AFF3: variants seen among roughly 807,000 people sequenced by gnomAD.
AFF3 encodes ALF transcription elongation factor 3.
Under a neutral mutation model 129.7 loss-of-function variants are expected in AFF3, and 32 were observed. The ratio of observed to expected loss-of-function variants is 0.25; its 90% CI spans 0.19 to 0.33. The LOEUF (loss-of-function observed/expected upper bound fraction) is 0.33, where lower values mean the gene tolerates loss of function less well. Ranked by LOEUF, AFF3 falls within the 10% of genes least tolerant of loss-of-function variation. The pLI, the probability that AFF3 is intolerant of heterozygous loss-of-function variation, is 1.00. For missense variants in AFF3, 1,373 were observed against 1,592.0 expected (o/e 0.86, Z 2.34); for synonymous variants, 644 against 635.4 (o/e 1.01, Z -0.20).
chr2:100,033,981 A>G (rs1468631548), intron 4 of AFF3, among the ~76,000 whole-genome samples: 1 of 152,208 alleles, frequency 6.6e-6, no homozygotes, highest in African/African-American at 2.4e-5. Flanking sequence ...CATATTATAT[A>G]GGGCACAGAA....
chr2:99,852,457 T>C (rs972333831), intron 7 of AFF3, among the ~76,000 whole-genome samples: 33 of 152,128 alleles, frequency 2.2e-4, no homozygotes, highest in Admixed American at 1.2e-3. Context: ...AAAGACTAGA[T>C]AGAGAAATGA....
At chr2:100,043,253 T>C (rs1685580317) in intron 4 of AFF3, among the ~76,000 whole-genome samples, 1 of 152,120 alleles carries the variant, frequency 6.6e-6, no homozygotes, top group South Asian at 2.1e-4. Flanking sequence ...AGATGCTTCC[T>C]TCAAAAGCAT....
intron 11 of AFF3, among the ~76,000 whole-genome samples, chr2:99,692,672 C>T (rs774838839): frequency 3.3e-5 from 5 of 152,174 alleles, no homozygotes; most frequent in Non-Finnish European, 7.3e-5. Flanking sequence ...CCAGACATTC[C>T]TGCCTTCCCC....
intron 8 of AFF3, among the ~76,000 whole-genome samples, chr2:99,768,827 C>T (rs1683231418): frequency 6.6e-6 from 1 of 152,220 alleles, no homozygotes; most frequent in Non-Finnish European, 1.5e-5. Context: ...CCACTCTCTC[C>T]TGGCCTGCAA....
In AFF3 at chr2:99,593,780, G is replaced by C. The variant is rs1415448080; in HGVS notation, c.1881C>G (p.Thr627=). 6.2e-7 allele frequency: 1 copy of C among 1,612,192 alleles called. No individual in the cohort carries two copies. The highest frequency in any genetic ancestry group is 8.5e-7 in the Non-Finnish European group (1 of 1,179,904). ...TCGCTCTGTTGTTGCCACAGGGCCT[G>C]GTTTTGGTGGGCTCCGGGGGGACCA... ...SVVVPPEPTK[T]RPCGNNRASH... The change falls in exon 15 of 25, where the codon ACC becomes ACG. Residue 627 remains threonine (T), a synonymous_variant. Transcript: ENST00000672756.
chr2:99,763,066 G>A (rs1366094121), intron 8 of AFF3, among the ~76,000 whole-genome samples: 14 of 152,212 alleles, frequency 9.2e-5, no homozygotes, highest in African/African-American at 2.7e-4. Context: ...ACACCCCTAC[G>A]GGCCTGTACC....
At position 99,864,848 on chromosome 2, in the gene AFF3, T is replaced by C. The variant is rs996503103; in HGVS notation, c.874-27324A>G. Among the ~76,000 whole-genome samples, 22 of 152,294 alleles carry C rather than the reference T, an allele frequency of 1.4e-4. 1 individual carries two copies. Among genetic ancestry groups the C allele is most frequent in the East Asian group, 5.8e-4 (3 of 5,186 alleles). ...GGTAATATGTTCTTTGGGAGTGTGA[T>C]AGGCAGAGTTCAGCATCATGAAGAC... is the stretch of plus-strand genomic sequence containing the variant. On this transcript the variant is annotated intron_variant, in intron 7 of 24. Coordinates refer to ENST00000672756, the MANE Select transcript of AFF3 (RefSeq NM_001386135.1).
intron 12 of AFF3, among the ~76,000 whole-genome samples, chr2:99,655,595 A>G (rs1353689411): frequency 1.3e-5 from 2 of 152,134 alleles, no homozygotes; most frequent in African/African-American, 2.4e-5. Flanking sequence ...GCCAATCCCA[A>G]GGGTTTTAGA....
At chr2:100,049,105 T>C (rs1481154828) in intron 4 of AFF3, among the ~76,000 whole-genome samples, 18 of 152,160 alleles carry the variant, frequency 1.2e-4, no homozygotes, top group Non-Finnish European at 1.8e-4. Context: ...AATGGGATAT[T>C]CACCTGGTCT....
At chr2:99,897,755 G>A (rs1189259804) in intron 7 of AFF3, among the ~76,000 whole-genome samples, 2 of 152,160 alleles carry the variant, frequency 1.3e-5, no homozygotes, top group East Asian at 3.9e-4. Flanking sequence ...TCCTTTAGGA[G>A]TGAGACACAC....
At chr2:100,075,322 T>C (rs1162272179) in intron 4 of AFF3, among the ~76,000 whole-genome samples, 1 of 152,154 alleles carries the variant, frequency 6.6e-6, no homozygotes, top group Non-Finnish European at 1.5e-5. Flanking sequence ...AGCAAAGACG[T>C]CTTCAAGAAC....
At chr2:99,872,431 C>T (rs1258269860) in intron 7 of AFF3, among the ~76,000 whole-genome samples, 1 of 151,744 alleles carries the variant, frequency 6.6e-6, no homozygotes, top group Non-Finnish European at 1.5e-5. Flanking sequence ...CGAAGGGGAT[C>T]TATACACACA....
intron 4 of AFF3, among the ~76,000 whole-genome samples, chr2:100,100,722 T>C (rs139526857): frequency 3.5e-4 from 54 of 152,354 alleles, no homozygotes; most frequent in African/African-American, 1.2e-3. Context: ...ACTTAAGAGA[T>C]GATCAACAAA....
At chr2:99,797,593 A>T (rs1334946546) in intron 8 of AFF3, among the ~76,000 whole-genome samples, 1 of 152,156 alleles carries the variant, frequency 6.6e-6, no homozygotes, top group African/African-American at 2.4e-5. Context: ...TGATAGGTAC[A>T]GTAAACATGA....
At chr2:99,870,100 G>A (rs1353266658) in intron 7 of AFF3, among the ~76,000 whole-genome samples, 1 of 152,190 alleles carries the variant, frequency 6.6e-6, no homozygotes. Flanking sequence ...CAACACCAGT[G>A]TCTGAACTGA....
intron 8 of AFF3, among the ~76,000 whole-genome samples, chr2:99,793,877 G>A (rs1043581445): frequency 1.3e-5 from 2 of 152,072 alleles, no homozygotes; most frequent in African/African-American, 2.4e-5. Context: ...GGAACCTGAC[G>A]TTCAACCTTT....
At chr2:99,949,366 A>G (rs1018458581) in intron 7 of AFF3, among the ~76,000 whole-genome samples, 1 of 152,086 alleles carries the variant, frequency 6.6e-6, no homozygotes, top group East Asian at 1.9e-4. Flanking sequence ...GGCAGTATAG[A>G]CCAATTTTGT....
intron 7 of AFF3, 135 bp downstream of exon 7, chr2:100,006,497 T>A: frequency 8.8e-7 from 1 of 1,131,186 alleles, no homozygotes; most frequent in Non-Finnish European, 1.2e-6. Context: ...CCCCTTTCAG[T>A]GACTGCTACA....
chr2:99,584,206 G>A (rs138541653), intron 16 of AFF3, among the ~76,000 whole-genome samples: 1 of 151,512 alleles, frequency 6.6e-6, no homozygotes, highest in South Asian at 2.1e-4. Context: ...GGTGGCTCAC[G>A]CCTGTAATCC....
Sources: gnomAD v4.1 joint callset for allele counts (sites outside exome capture counted in the v4.1 genomes callset) on GRCh38, gnomAD v4.1.1 for gene constraint, MANE v1.5 for transcripts, NCBI Gene and HGNC (gene_info 2026-07-23, HGNC 2026-07-21) for gene names.